The following LBH variants were observed in gnomAD, a reference collection of about 807,000 sequenced individuals.
LBH encodes protein LBH.
A neutral mutation model predicts 12.5 loss-of-function variants in LBH; 7 were observed. That is an observed-to-expected ratio of 0.56 (90% CI 0.32 to 1.05). The LOEUF (loss-of-function observed/expected upper bound fraction) is 1.05. Among genes scored for constraint, LBH ranks in the 50% least tolerant of loss-of-function variants. The probability of loss-of-function intolerance (pLI) is 0.04; values close to 1 mark genes in which losing one functional copy is unlikely to be tolerated. For synonymous variants in LBH, 51 were observed against 50.1 expected, an observed-to-expected ratio of 1.02 and a Z score of -0.08; for missense variants, 119 against 138.9, an observed-to-expected ratio of 0.86 and a Z score of 0.72.
At chr2:30,237,800 C>G (rs1485088772) in intron 2 of LBH, among the ~76,000 whole-genome samples, 1 of 152,182 alleles carries the variant, frequency 6.6e-6, no homozygotes, top group Non-Finnish European at 1.5e-5. Flanking sequence ...TAAGGGAAAT[C>G]CACGTGTGCA....
chr2:30,258,580 C>T lies in LBH; in HGVS notation c.*959C>T, dbSNP rs10206415. On this transcript the variant is annotated 3_prime_UTR_variant, in exon 3 of 3. Coordinates refer to ENST00000395323, the MANE Select transcript of LBH (RefSeq NM_030915.4). ...GCTGGCCCTTCCTTCTCCTCACCGC[C>T]ACCTTCCCTGCCCCAGCCCCAGCAG... 0.035 allele frequency: 5,380 copies of T among 153,386 alleles called. 297 individuals carry two copies. Among genetic ancestry groups the T allele is most frequent in the African/African-American group, 0.12 (4,917 of 41,520 alleles). 9.5% of individuals were successfully genotyped at this position (153,386 alleles called of 1,614,324 possible).
Position 30,251,816 on chromosome 2 carries a change from G to T in LBH, c.130-5617G>T, listed in dbSNP as rs114125875. Among the ~76,000 whole-genome samples, 414 of 152,232 alleles carry T rather than the reference G, an allele frequency of 2.7e-3. 2 individuals carry two copies. Among genetic ancestry groups the T allele is most frequent in the African/African-American group, 8.1e-3 (337 of 41,514 alleles). ...GCCCTGTGTGGTGAGTGGCTGCTTT[G>T]TTGGATAGATGATTTAGTATGAGGA... On this transcript the variant is annotated intron_variant, in intron 2 of 2. Coordinates refer to ENST00000395323, the MANE Select transcript of LBH (RefSeq NM_030915.4).
rs929726280 is a variant in LBH, at chr2:30,236,808, G to A, written c.129+2301G>A. ...TCGACAGCAACAATGAAATCCAGCC[G>A]ACAGAATCAGAGGGAGGGCAGACTG... is the stretch of plus-strand genomic sequence containing the variant. On this transcript the variant is annotated intron_variant, in intron 2 of 2. Transcript: ENST00000395323. Among the ~76,000 whole-genome samples the A allele has an allele frequency of 5.9e-5, 9 of 152,202 alleles. No individual in the cohort carries two copies. The East Asian group carries it at 1.3e-3, about 23-fold the overall frequency.
At chr2:30,252,151 A>G (rs1381742703) in intron 2 of LBH, among the ~76,000 whole-genome samples, 1 of 152,138 alleles carries the variant, frequency 6.6e-6, no homozygotes, top group Non-Finnish European at 1.5e-5. Context: ...GGTAGGAGGT[A>G]ATTGAATCAT....
At chr2:30,245,391 A>T (rs1180696675) in intron 2 of LBH, among the ~76,000 whole-genome samples, 1 of 152,208 alleles carries the variant, frequency 6.6e-6, no homozygotes, top group African/African-American at 2.4e-5. Flanking sequence ...AAGGAGACAG[A>T]GTTGTTCAGA....
At chr2:30,241,607 G>A (rs962951474) in intron 2 of LBH, among the ~76,000 whole-genome samples, 1 of 151,540 alleles carries the variant, frequency 6.6e-6, no homozygotes, top group Non-Finnish European at 1.5e-5. Flanking sequence ...CTACAAACAC[G>A]TGCCACCATG....
Position 30,259,086 on chromosome 2 carries a change from CAG to C in LBH, c.*1468_*1469del, listed in dbSNP as rs1322088913. On this transcript the variant is annotated 3_prime_UTR_variant, in exon 3 of 3. Transcript: ENST00000395323. ...GTACCGTGTGGCCAAGAGGTGGACT[CAG>C]AGCCTTCCTTGAGCTAAACTCGGCC... 1 of 152,656 alleles carries C rather than the reference CAG, an allele frequency of 6.6e-6. No individual in the cohort carries two copies. Among genetic ancestry groups the C allele is most frequent in the Non-Finnish European group, 1.5e-5 (1 of 68,080 alleles). The allele number at this position is 152,656 out of a possible 1,614,324, so 9.5% of individuals were successfully genotyped here.
rs536160531 is a variant in LBH at position 30,234,010 on chromosome 2, C to A, written c.27-395C>A. 3.9e-5 allele frequency among the ~76,000 whole-genome samples: 6 copies of A among 152,242 alleles called. No individual in the cohort carries two copies. The South Asian group carries it at 1.2e-3, about 32-fold the overall frequency. ...AGTTCATGTGAGGATTATTTTTATT[C>A]TTAGTTGGAGAAGTGAAGGGAGATG... On this transcript the variant is annotated intron_variant, in intron 1 of 2. Coordinates refer to ENST00000395323, the MANE Select transcript of LBH (RefSeq NM_030915.4).
chr2:30,242,544 A>G (rs1356731811), intron 2 of LBH, among the ~76,000 whole-genome samples: 1 of 152,194 alleles, frequency 6.6e-6, no homozygotes, highest in Non-Finnish European at 1.5e-5. Context: ...CGCCCGGCCA[A>G]TATTTATTCT....
chr2:30,248,371 G>A (rs1322009351), intron 2 of LBH, among the ~76,000 whole-genome samples: 11 of 152,222 alleles, frequency 7.2e-5, no homozygotes, highest in African/African-American at 1.7e-4. Flanking sequence ...GAAGGCCTTC[G>A]AGATTTGTTT....
chr2:30,238,507 G>C (rs1336498294), intron 2 of LBH, among the ~76,000 whole-genome samples: 2 of 152,206 alleles, frequency 1.3e-5, no homozygotes, highest in Admixed American at 6.5e-5. Flanking sequence ...TCAGGCAAGC[G>C]AGGGAGGATG....
At chr2:30,249,674 T>C (rs13030064) in intron 2 of LBH, among the ~76,000 whole-genome samples, 32,152 of 152,230 alleles carry the variant, frequency 0.21, 4,307 homozygotes, top group Middle Eastern at 0.32. Context: ...CTAGGATTTG[T>C]GGGCACAAGC....
intron 2 of LBH, among the ~76,000 whole-genome samples, chr2:30,243,525 C>CTTTT (rs886828942): frequency 4.3e-4 from 47 of 110,170 alleles, no homozygotes; most frequent in African/African-American, 1.3e-3. Flanking sequence ...GGGCTGGACT[C>CTTTT]TTTTTTTTTT....
intron 1 of LBH, chr2:30,232,233 CG>C (rs1023177462): frequency 5.6e-5 from 65 of 1,151,636 alleles, no homozygotes; most frequent in South Asian, 1.2e-4. Context: ...TGCAGAGCTC[CG>C]GGGGGGTGGG....
In LBH at chr2:30,234,243, G is replaced by A. The variant is rs545341798; in HGVS notation, c.27-162G>A. On this transcript the variant is annotated intron_variant, in intron 1 of 2. Transcript: ENST00000395323. ...AGCCCTGGGGCTGTGGGCTTGCAAG[G>A]CGCTTCCTCAGGGTGTGAGCTTGTT... The A allele has an allele frequency of 6.6e-6, 4 of 608,600 alleles. No homozygotes were observed. The Admixed American group carries it at 8.4e-5, about 13-fold the overall frequency. 37.7% of individuals were successfully genotyped at this position (608,600 alleles called of 1,614,324 possible).
chr2:30,248,247 C>G (rs948580346), intron 2 of LBH, among the ~76,000 whole-genome samples: 1 of 152,082 alleles, frequency 6.6e-6, no homozygotes. Flanking sequence ...AGACGTCTTG[C>G]GTGGGGCAAA....
chr2:30,246,831 T>C (rs1677881009), intron 2 of LBH, among the ~76,000 whole-genome samples: 1 of 143,710 alleles, frequency 7.0e-6, no homozygotes, highest in Admixed American at 6.9e-5. Context: ...CTCCCTCCTT[T>C]CTTTCTTTCT....
chr2:30,255,872 C>CA (rs1572385038), intron 2 of LBH, among the ~76,000 whole-genome samples: 1 of 152,338 alleles, frequency 6.6e-6, no homozygotes, highest in East Asian at 1.9e-4. Context: ...AATGTGTCTC[C>CA]ACCCACTCAA....
intron 2 of LBH, among the ~76,000 whole-genome samples, chr2:30,256,368 T>C (rs2103564337): frequency 6.6e-6 from 1 of 152,318 alleles, no homozygotes. Flanking sequence ...TGAAAAAGGA[T>C]CCTTGGATTT....
Sources: gnomAD v4.1 joint callset for allele counts (sites outside exome capture counted in the v4.1 genomes callset) on GRCh38, gnomAD v4.1.1 for gene constraint, MANE v1.5 for transcripts, NCBI Gene and HGNC (gene_info 2026-07-23, HGNC 2026-07-21) for gene names.